Variants in THSD7B observed in about 807,000 individuals in gnomAD.
THSD7B encodes thrombospondin type-1 domain-containing protein 7B.
THSD7B carries 138 observed loss-of-function variants against 213.6 expected under a neutral mutation model. The observed-to-expected ratio is 0.65, with a 90% CI of 0.56 to 0.74. The LOEUF is 0.74. Ranked by LOEUF, THSD7B falls within the 30% of genes least tolerant of loss-of-function variation. THSD7B has a pLI of 0.00. For missense variants in THSD7B, 1,931 were observed against 1,991.5 expected (o/e 0.97, Z 0.58); for synonymous variants, 742 against 687.0 (o/e 1.08, Z -1.25).
chr2:137,137,051 G>A (rs1041795966), intron 5 of THSD7B, among the ~76,000 whole-genome samples: 1 of 152,114 alleles, frequency 6.6e-6, no homozygotes, highest in Non-Finnish European at 1.5e-5. Context: ...TCAATGTGCT[G>A]TCAGTAGAAG....
At chr2:137,091,278 G>A (rs1687943981) in intron 3 of THSD7B, among the ~76,000 whole-genome samples, 1 of 152,166 alleles carries the variant, frequency 6.6e-6, no homozygotes, top group Non-Finnish European at 1.5e-5. Flanking sequence ...GTGAAAGCTG[G>A]TAAGTGGGAA....
intron 27 of THSD7B, among the ~76,000 whole-genome samples, chr2:137,668,833 A>G (rs1432437581): frequency 6.6e-6 from 1 of 152,206 alleles, no homozygotes; most frequent in African/African-American, 2.4e-5. Context: ...TTTACTATTC[A>G]CTAAGTAGTT....
At chr2:137,032,564 T>C (rs1026358732) in intron 2 of THSD7B, among the ~76,000 whole-genome samples, 1 of 152,144 alleles carries the variant, frequency 6.6e-6, no homozygotes, top group Admixed American at 6.5e-5. Flanking sequence ...CTTGACTACC[T>C]TAGAATGTGT....
At chr2:137,487,374 CAAAAAAAAAAAAAA>C (rs35759254) in intron 15 of THSD7B, among the ~76,000 whole-genome samples, 1 of 33,166 alleles carries the variant, frequency 3.0e-5, no homozygotes, top group Non-Finnish European at 4.8e-5. Context: ...GACTCCGTCT[CAAAAAAAAAAAAAA>C]AAAAAAAAAA....
chr2:137,446,845 T>C (rs765348132), intron 14 of THSD7B, among the ~76,000 whole-genome samples: 9 of 152,096 alleles, frequency 5.9e-5, no homozygotes, highest in Admixed American at 5.2e-4. Flanking sequence ...GTATATTTTA[T>C]GGAAATGAGT....
At chr2:136,799,280 T>C (rs765282733) in intron 1 of THSD7B, among the ~76,000 whole-genome samples, 1 of 151,958 alleles carries the variant, frequency 6.6e-6, no homozygotes, top group Non-Finnish European at 1.5e-5. Context: ...AAATGTATTT[T>C]GTAAATGTTT....
intron 5 of THSD7B, among the ~76,000 whole-genome samples, chr2:137,158,722 A>G (rs1679954527): frequency 6.6e-6 from 1 of 152,018 alleles, no homozygotes; most frequent in African/African-American, 2.4e-5. Flanking sequence ...GTCAGTGCTG[A>G]AATTTATTTT....
intron 17 of THSD7B, among the ~76,000 whole-genome samples, chr2:137,583,762 TC>T: frequency 6.6e-6 from 1 of 152,342 alleles, no homozygotes; most frequent in South Asian, 2.1e-4. Context: ...TAGTTTGAAG[TC>T]AGGTAACGTG....
At chr2:136,820,733 A>C (rs1339764147) in intron 1 of THSD7B, among the ~76,000 whole-genome samples, 1 of 152,248 alleles carries the variant, frequency 6.6e-6, no homozygotes, top group East Asian at 1.9e-4. Flanking sequence ...TCCTGAATTT[A>C]ATAATCATAC....
chr2:137,160,135 G>T lies in THSD7B; in HGVS notation c.1370-78G>T, dbSNP rs948979514. The T allele has an allele frequency of 2.1e-6, 3 of 1,437,950 alleles. No homozygotes were observed. The Admixed American group carries it at 6.8e-5, about 33-fold the overall frequency. The allele number at this position is 1,437,950 out of a possible 1,614,324, so 89.1% of individuals were successfully genotyped here. ...ACTATAATGTTTTATTTGCAAGACA[G>T]GCATGCAAATAAAGGCAGAAGCAAT... On this transcript the variant is annotated intron_variant, in intron 5 of 27. Coordinates refer to ENST00000409968, the MANE Select transcript of THSD7B (RefSeq NM_001316349.2).
At chr2:137,657,699 A>G (rs17693827) in intron 24 of THSD7B, among the ~76,000 whole-genome samples, 13,292 of 152,298 alleles carry the variant, frequency 0.087, 664 homozygotes, top group Middle Eastern at 0.16. Flanking sequence ...TTATTACTTA[A>G]TATCTAAATA....
intron 1 of THSD7B, among the ~76,000 whole-genome samples, chr2:136,805,980 A>G (rs1195827787): frequency 1.3e-5 from 2 of 152,210 alleles, no homozygotes; most frequent in East Asian, 3.9e-4. Context: ...TATTTAGAAT[A>G]TGCCATGTGT....
At chr2:137,389,657 A>C (rs976694656) in intron 12 of THSD7B, among the ~76,000 whole-genome samples, 1 of 151,302 alleles carries the variant, frequency 6.6e-6, no homozygotes, top group Admixed American at 6.6e-5. Flanking sequence ...ACCAATGTCC[A>C]GAAAAGTTTT....
At chr2:137,029,700 T>G (rs1686627045) in intron 2 of THSD7B, among the ~76,000 whole-genome samples, 1 of 152,144 alleles carries the variant, frequency 6.6e-6, no homozygotes, top group South Asian at 2.1e-4. Flanking sequence ...ATTGAGGTAG[T>G]TCATTGCGGG....
At chr2:137,651,681 G>A (rs956694274) in intron 21 of THSD7B, among the ~76,000 whole-genome samples, 2 of 151,944 alleles carry the variant, frequency 1.3e-5, no homozygotes, top group African/African-American at 4.8e-5. Flanking sequence ...CTTTTTCAAT[G>A]TAGACATTTA....
At chr2:137,653,105 A>C (rs988317556) in intron 21 of THSD7B, among the ~76,000 whole-genome samples, 1 of 149,372 alleles carries the variant, frequency 6.7e-6, no homozygotes, top group Non-Finnish European at 1.5e-5. Context: ...AGCATTTCTC[A>C]TAAGTCTGGT....
chr2:136,983,939 G>A (rs952087102), intron 2 of THSD7B, among the ~76,000 whole-genome samples: 3 of 152,208 alleles, frequency 2.0e-5, no homozygotes, highest in Admixed American at 6.5e-5. Context: ...AAGATTCACT[G>A]ATCACTAGTC....
intron 1 of THSD7B, among the ~76,000 whole-genome samples, chr2:136,825,340 T>C (rs1682628300): frequency 6.6e-6 from 1 of 152,122 alleles, no homozygotes; most frequent in African/African-American, 2.4e-5. Context: ...TGCACCAAAA[T>C]CAAGGTATTG....
At chr2:137,106,656 A>C (rs990553515) in intron 4 of THSD7B, among the ~76,000 whole-genome samples, 7 of 152,170 alleles carry the variant, frequency 4.6e-5, no homozygotes, top group Non-Finnish European at 1.0e-4. Context: ...TTGACAAAGG[A>C]CTAATATATA....
Sources: gnomAD v4.1 joint callset for allele counts (sites outside exome capture counted in the v4.1 genomes callset) on GRCh38, gnomAD v4.1.1 for gene constraint, MANE v1.5 for transcripts, NCBI Gene and HGNC (gene_info 2026-07-23, HGNC 2026-07-21) for gene names.